Variants in VSTM4 observed in about 807,000 individuals in gnomAD.
VSTM4 encodes the protein V-set and transmembrane domain-containing protein 4.
A neutral mutation model predicts 36.4 loss-of-function variants in VSTM4; 20 were observed. That is an observed-to-expected ratio of 0.55 (90% CI 0.39 to 0.80). The LOEUF (loss-of-function observed/expected upper bound fraction) is 0.80. Among genes scored for constraint, VSTM4 ranks in the 30% least tolerant of loss-of-function variants. The pLI is 0.00. For missense variants in VSTM4, 392 were observed against 404.5 expected, an observed-to-expected ratio of 0.97 and a Z score of 0.26; for synonymous variants, 182 against 173.9, an observed-to-expected ratio of 1.05 and a Z score of -0.37.
intron 2 of VSTM4, among the ~76,000 whole-genome samples, chr10:49,094,810 C>T (rs1445280917): frequency 3.3e-5 from 5 of 152,166 alleles, no homozygotes; most frequent in African/African-American, 1.2e-4. Context: ...ACTGCAGCCC[C>T]AGGGAGACAC....
Position 49,102,802 on chromosome 10 carries a change from G to A in VSTM4, c.457+4792C>T, listed in dbSNP as rs571739607. 8 of 956,402 alleles carry A rather than the reference G, an allele frequency of 8.4e-6. No homozygotes were observed. In the South Asian group the frequency reaches 2.9e-4, roughly 35 times the overall value. The allele number at this position is 956,402 out of a possible 1,614,324, so 59.2% of individuals were successfully genotyped here. A position where few individuals can be genotyped will look rare whatever the true frequency, so the allele number is the denominator to read the frequency against. On this transcript the variant is annotated intron_variant, in intron 2 of 7. Transcript: ENST00000332853. ...ATCAAGTATCTATTGAGGATCAACT[G>A]TGTACCAGGCACTGTTGCAGGCATT...
At chr10:49,071,566 G>C (rs774974704) in intron 4 of VSTM4, among the ~76,000 whole-genome samples, 5 of 152,346 alleles carry the variant, frequency 3.3e-5, no homozygotes, top group Non-Finnish European at 7.3e-5. Flanking sequence ...AGCAGTGCCA[G>C]GCTTGGGGTG....
chr10:49,034,700 TTTTTC>T (rs1305684045), intron 7 of VSTM4, among the ~76,000 whole-genome samples: 2 of 152,164 alleles, frequency 1.3e-5, no homozygotes, highest in African/African-American at 4.8e-5. Context: ...GTTGATGATG[TTTTTC>T]TTTTCTTTTC....
In VSTM4 at chr10:49,107,985, C is replaced by T. The variant is rs759756530; in HGVS notation, c.66G>A (p.Ala22=). The T allele has an allele frequency of 2.9e-5, 45 of 1,577,036 alleles. No homozygotes were observed. Among genetic ancestry groups the T allele is most frequent in the East Asian group, 4.6e-5 (2 of 43,178 alleles). The part of the protein sequence containing the change: ...LARAPAPEVC[A]ALNVTVSPGP... The stretch of plus-strand genomic sequence containing the variant: ...CCGGGGACACAGTGACATTGAGGGC[C>T]GCACAGACCTCTGCAGAGAAAAAGG... Residue 22 remains alanine (A), a synonymous_variant, in exon 2 of 8, where the codon GCG becomes GCA. Transcript: ENST00000332853.
At chr10:49,020,145 T>C (rs2131927097) in intron 7 of VSTM4, among the ~76,000 whole-genome samples, 1 of 152,262 alleles carries the variant, frequency 6.6e-6, no homozygotes, top group Admixed American at 6.5e-5. Context: ...ACAAAAAAAT[T>C]CTAAAAATTA....
chr10:49,086,079 A>G, intron 2 of VSTM4, 56 bp from the exon 3 acceptor site: 1 of 1,120,280 alleles, frequency 8.9e-7, no homozygotes, highest in Non-Finnish European at 1.3e-6. Flanking sequence ...CATGGTACAC[A>G]TGGCACTTAC....
At chr10:49,022,351 C>T (rs1297682466) in intron 7 of VSTM4, among the ~76,000 whole-genome samples, 2 of 152,104 alleles carry the variant, frequency 1.3e-5, no homozygotes, top group Non-Finnish European at 2.9e-5. Context: ...AAATTCCAAA[C>T]AACTAAACCA....
chr10:49,100,949 G>T (rs1415310305), intron 2 of VSTM4, among the ~76,000 whole-genome samples: 2 of 152,042 alleles, frequency 1.3e-5, no homozygotes, highest in Non-Finnish European at 1.5e-5. Flanking sequence ...TCAACAGACA[G>T]TGTAGGGATA....
intron 7 of VSTM4, among the ~76,000 whole-genome samples, chr10:49,035,705 G>A (rs1471302459): frequency 1.3e-5 from 2 of 150,534 alleles, no homozygotes; most frequent in Non-Finnish European, 3.0e-5. Context: ...AGATGTGGTG[G>A]CACATGCCTG....
At chr10:49,090,379 C>T (rs1300744579) in intron 2 of VSTM4, among the ~76,000 whole-genome samples, 1 of 152,190 alleles carries the variant, frequency 6.6e-6, no homozygotes, top group East Asian at 1.9e-4. Context: ...GAATGGAGGT[C>T]CTGCCCTCCT....
chr10:49,040,257 T>C (rs932063393), intron 7 of VSTM4, among the ~76,000 whole-genome samples: 2 of 152,254 alleles, frequency 1.3e-5, no homozygotes, highest in Admixed American at 6.5e-5. Flanking sequence ...ATACCTTGAT[T>C]TTAAAATGTC....
chr10:49,088,803 A>C (rs1844420678), intron 2 of VSTM4, among the ~76,000 whole-genome samples: 1 of 152,250 alleles, frequency 6.6e-6, no homozygotes, highest in South Asian at 2.1e-4. Flanking sequence ...GGTCCTGATG[A>C]AGACAACACG....
rs149537948 is a variant in VSTM4, at chr10:49,102,896, G to A, written c.457+4698C>T. On this transcript the variant is annotated intron_variant, in intron 2 of 7. Coordinates refer to ENST00000332853, the MANE Select transcript of VSTM4 (RefSeq NM_001031746.5). ...GTCTGGGATCCCAGAGAAACAGAAC[G>A]AACACACCCAGAAATAATGTTTTAC... 1,388 of 310,678 alleles carry A rather than the reference G, an allele frequency of 4.5e-3. 2 individuals carry two copies. Among genetic ancestry groups the A allele is most frequent in the Admixed American group, 6.1e-3 (95 of 15,472 alleles). 19.2% of individuals were successfully genotyped at this position (310,678 alleles called of 1,614,324 possible). A position where few individuals can be genotyped will look rare whatever the true frequency, so the allele number is the denominator to read the frequency against.
intron 3 of VSTM4, among the ~76,000 whole-genome samples, chr10:49,082,631 T>C (rs34364659): frequency 0.27 from 41,739 of 151,994 alleles, 5,898 homozygotes; most frequent in Admixed American, 0.35. Context: ...GCCAAAATCA[T>C]GCCATTGCAC....
At chr10:49,035,663 G>A (rs912267027) in intron 7 of VSTM4, among the ~76,000 whole-genome samples, 3 of 67,590 alleles carry the variant, frequency 4.4e-5, no homozygotes, top group South Asian at 1.5e-3. Context: ...CGAGATCCCA[G>A]CTCCACAAAA....
In VSTM4 at chr10:49,086,033, A is replaced by C; in HGVS notation, c.458-10T>G. The C allele has an allele frequency of 6.4e-7, 1 of 1,571,326 alleles. No homozygotes were observed. Among genetic ancestry groups the C allele is most frequent in the Non-Finnish European group, 8.6e-7 (1 of 1,160,150 alleles). ...GCTTTGAGGGAAATGACTGAAAGAC[A>C]AAAAAGAAACAGCACAGTATGAAAA... On this transcript the variant is annotated splice_polypyrimidine_tract_variant and intron_variant, in intron 2 of 7. Coordinates refer to ENST00000332853, the MANE Select transcript of VSTM4 (RefSeq NM_001031746.5).
chr10:49,071,232 G>A (rs1004495018), intron 4 of VSTM4, among the ~76,000 whole-genome samples: 44 of 152,238 alleles, frequency 2.9e-4, no homozygotes, highest in Non-Finnish European at 1.0e-4. Flanking sequence ...CTTAAAAACT[G>A]CACATTTAAA....
chr10:49,060,427 T>C (rs1443469830), intron 5 of VSTM4, among the ~76,000 whole-genome samples: 1 of 152,208 alleles, frequency 6.6e-6, no homozygotes, highest in East Asian at 1.9e-4. Flanking sequence ...ACCTGTGGTT[T>C]TAATTTGCAC....
chr10:49,103,910 G>A (rs1431439773), intron 2 of VSTM4: 16 of 1,542,906 alleles, frequency 1.0e-5, no homozygotes, highest in South Asian at 9.4e-5. Context: ...GAGAGACCAC[G>A]GGCCTGGGGT....
Sources: gnomAD v4.1 joint callset for allele counts (sites outside exome capture counted in the v4.1 genomes callset) on GRCh38, gnomAD v4.1.1 for gene constraint, MANE v1.5 for transcripts, NCBI Gene and HGNC (gene_info 2026-07-23, HGNC 2026-07-21) for gene names.